CDH13: variants seen among roughly 807,000 people sequenced by gnomAD.
CDH13 encodes cadherin-13.
A neutral mutation model predicts 63.8 loss-of-function variants in CDH13; 24 were observed. The ratio of observed to expected loss-of-function variants is 0.38; its 90% CI spans 0.27 to 0.53. CDH13 has a LOEUF of 0.53. Among genes scored for constraint, CDH13 ranks in the 20% least tolerant of loss-of-function variants. The probability of loss-of-function intolerance (pLI) is 0.85; values close to 1 mark genes in which losing one functional copy is unlikely to be tolerated. For synonymous variants in CDH13, 503 were observed against 355.3 expected (o/e 1.42, Z -4.67); for missense variants, 1,049 against 903.1 (o/e 1.16, Z -2.07).
chr16:82,876,886 G>A (rs989041275), intron 2 of CDH13, among the ~76,000 whole-genome samples: 2 of 152,188 alleles, frequency 1.3e-5, no homozygotes, highest in Admixed American at 1.3e-4. Flanking sequence ...GGGCAGTGCT[G>A]AGCTCTGACC....
At chr16:83,303,396 T>C (rs565910868) in intron 5 of CDH13, among the ~76,000 whole-genome samples, 2 of 152,268 alleles carry the variant, frequency 1.3e-5, no homozygotes, top group East Asian at 3.9e-4. Context: ...TGTCTGTCAA[T>C]TTGAAGGGGA....
chr16:83,522,485 A>G (rs545616387), intron 7 of CDH13, among the ~76,000 whole-genome samples: 2 of 152,220 alleles, frequency 1.3e-5, no homozygotes, highest in African/African-American at 2.4e-5. Flanking sequence ...CGTGGTCTCT[A>G]TTACAGACTT....
intron 1 of CDH13, among the ~76,000 whole-genome samples, chr16:82,730,525 G>C (rs1410068762): frequency 6.6e-6 from 1 of 152,156 alleles, no homozygotes; most frequent in South Asian, 2.1e-4. Context: ...TCCCAAAACA[G>C]TTACAATAGT....
intron 2 of CDH13, among the ~76,000 whole-genome samples, chr16:82,992,399 A>G (rs949382681): frequency 1.3e-5 from 2 of 152,230 alleles, no homozygotes; most frequent in African/African-American, 4.8e-5. Context: ...AAATATGTGT[A>G]TATATAAAAA....
intron 1 of CDH13, among the ~76,000 whole-genome samples, chr16:82,732,827 G>T (rs1253918023): frequency 1.3e-5 from 2 of 150,598 alleles, no homozygotes; most frequent in Non-Finnish European, 3.0e-5. Flanking sequence ...TCAAGAGTTT[G>T]TGTCCGACAT....
chr16:83,397,025 TA>T (rs1567643681), intron 6 of CDH13, among the ~76,000 whole-genome samples: 1 of 152,178 alleles, frequency 6.6e-6, no homozygotes, highest in Non-Finnish European at 1.5e-5. Context: ...CAGCCTTGGC[TA>T]AAAAGCCTGC....
At chr16:82,810,844 G>C (rs1250481514) in intron 1 of CDH13, among the ~76,000 whole-genome samples, 1 of 151,736 alleles carries the variant, frequency 6.6e-6, no homozygotes, top group Non-Finnish European at 1.5e-5. Flanking sequence ...AGAGTGAGAA[G>C]CCATTAATAG....
At chr16:82,695,949 G>A (rs2030234605) in intron 1 of CDH13, among the ~76,000 whole-genome samples, 1 of 151,682 alleles carries the variant, frequency 6.6e-6, no homozygotes, top group Non-Finnish European at 1.5e-5. Context: ...CCTGCCAAAT[G>A]TATTCCTTAT....
chr16:83,763,501 A>C (rs978510699), intron 11 of CDH13, among the ~76,000 whole-genome samples: 1 of 152,328 alleles, frequency 6.6e-6, no homozygotes, highest in South Asian at 2.1e-4. Context: ...AGGGGCTCTG[A>C]ACTGAACTTC....
chr16:83,341,507 T>C (rs2090721692), intron 5 of CDH13, among the ~76,000 whole-genome samples: 1 of 152,222 alleles, frequency 6.6e-6, no homozygotes, highest in Non-Finnish European at 1.5e-5. Context: ...TCCACATCAT[T>C]AATAAGATGA....
In CDH13 at chr16:83,265,727, C is replaced by CTTTTTTT. The variant is rs71272416; in HGVS notation, c.636+48250_636+48256dup. Among the ~76,000 whole-genome samples, 13 of 42,572 alleles carry CTTTTTTT rather than the reference C, an allele frequency of 3.1e-4. 2 individuals carry two copies. Among genetic ancestry groups the CTTTTTTT allele is most frequent in the African/African-American group, 4.6e-4 (4 of 8,606 alleles). 27.9% of individuals were successfully genotyped at this position (42,572 alleles called of 152,430 possible). A position where few individuals can be genotyped will look rare whatever the true frequency, so the allele number is the denominator to read the frequency against. ...GTTTTCTGTTGCTTCTAAATTTCTG[C>CTTTTTTT]TTTTTTTTTTTTTTTTTTTTTTTTT... is the stretch of plus-strand genomic sequence containing the variant. On this transcript the variant is annotated intron_variant, in intron 5 of 13. Transcript: ENST00000567109.
intron 6 of CDH13, among the ~76,000 whole-genome samples, chr16:83,403,496 G>A (rs913480388): frequency 9.9e-5 from 15 of 152,196 alleles, no homozygotes; most frequent in South Asian, 2.1e-4. Flanking sequence ...GGTCGCGCGC[G>A]CCTGTAGTCC....
intron 7 of CDH13, among the ~76,000 whole-genome samples, chr16:83,568,399 A>C (rs151055329): frequency 1.3e-5 from 2 of 152,260 alleles, no homozygotes; most frequent in African/African-American, 4.8e-5. Flanking sequence ...GTCATTTCCA[A>C]ATTCAACGAT....
At chr16:82,763,671 A>G (rs1331031329) in intron 1 of CDH13, among the ~76,000 whole-genome samples, 2 of 152,120 alleles carry the variant, frequency 1.3e-5, no homozygotes, top group African/African-American at 4.8e-5. Flanking sequence ...TCTGGATTTT[A>G]TTTTTATTTT....
intron 2 of CDH13, among the ~76,000 whole-genome samples, chr16:82,864,356 A>T (rs543342813): frequency 6.6e-6 from 1 of 152,198 alleles, no homozygotes; most frequent in Non-Finnish European, 1.5e-5. Flanking sequence ...TTCTATAAAG[A>T]ACTACCTGAG....
chr16:82,797,240 C>T (rs1412436234), intron 1 of CDH13, among the ~76,000 whole-genome samples: 1 of 152,110 alleles, frequency 6.6e-6, no homozygotes, highest in Non-Finnish European at 1.5e-5. Flanking sequence ...CTGTGTGTTA[C>T]CAGTGTGATT....
chr16:83,352,904 A>G (rs527284134), intron 6 of CDH13, among the ~76,000 whole-genome samples: 32 of 152,358 alleles, frequency 2.1e-4, no homozygotes, highest in African/African-American at 7.2e-4. Flanking sequence ...AAATAAATAA[A>G]TAAATAAAGT....
At chr16:82,755,717 T>G (rs901398031) in intron 1 of CDH13, among the ~76,000 whole-genome samples, 1 of 152,202 alleles carries the variant, frequency 6.6e-6, no homozygotes, top group Non-Finnish European at 1.5e-5. Context: ...TGAGCAAAAC[T>G]GAACCAAACC....
At chr16:83,098,938 A>G (rs1000916843) in intron 3 of CDH13, among the ~76,000 whole-genome samples, 6 of 152,196 alleles carry the variant, frequency 3.9e-5, no homozygotes, top group Non-Finnish European at 8.8e-5. Context: ...GATAATAACA[A>G]TCTCTTCAGG....
Sources: gnomAD v4.1 joint callset for allele counts (sites outside exome capture counted in the v4.1 genomes callset) on GRCh38, gnomAD v4.1.1 for gene constraint, MANE v1.5 for transcripts, NCBI Gene and HGNC (gene_info 2026-07-23, HGNC 2026-07-21) for gene names.